Variants in TRPM3 observed in about 807,000 individuals in gnomAD.
TRPM3 encodes the protein long transient receptor potential channel 3.
TRPM3 carries 77 observed loss-of-function variants against 181.2 expected under a neutral mutation model. That is an observed-to-expected ratio of 0.42 (90% CI 0.35 to 0.51). The LOEUF is 0.51. TRPM3 is among the 20% of genes least tolerant of loss of function. The pLI is 0.01. For synonymous variants in TRPM3, 745 were observed against 796.4 expected (o/e 0.94, Z 1.09); for missense variants, 1,759 against 2,196.7 (o/e 0.80, Z 3.98).
chr9:71,374,029 T>A (rs577299084), intron 1 of TRPM3, among the ~76,000 whole-genome samples: 5 of 152,266 alleles, frequency 3.3e-5, no homozygotes, highest in Non-Finnish European at 7.4e-5. Flanking sequence ...AGCACGATAA[T>A]CTCTACAGAT....
intron 8 of TRPM3, among the ~76,000 whole-genome samples, chr9:70,681,808 C>T (rs1363812563): frequency 6.6e-6 from 1 of 152,272 alleles, no homozygotes. Context: ...CTGTTTTGGT[C>T]ATAACCATAT....
intron 1 of TRPM3, among the ~76,000 whole-genome samples, chr9:71,311,375 A>G (rs2087914846): frequency 6.6e-6 from 1 of 152,152 alleles, no homozygotes; most frequent in Non-Finnish European, 1.5e-5. Flanking sequence ...TTTAAAAGTA[A>G]TATCTCTTCA....
intron 1 of TRPM3, among the ~76,000 whole-genome samples, chr9:71,342,961 T>C (rs2091058812): frequency 6.6e-6 from 1 of 152,060 alleles, no homozygotes; most frequent in African/African-American, 2.4e-5. Flanking sequence ...TCTATGAAAT[T>C]TAAAAATATC....
chr9:70,911,219 T>G (rs1364919575), intron 1 of TRPM3, among the ~76,000 whole-genome samples: 1 of 152,228 alleles, frequency 6.6e-6, no homozygotes, highest in Admixed American at 6.5e-5. Flanking sequence ...TATGGTCCTG[T>G]GGGTCACACT....
chr9:71,064,144 G>A (rs2133396090), intron 1 of TRPM3, among the ~76,000 whole-genome samples: 1 of 152,170 alleles, frequency 6.6e-6, no homozygotes, highest in South Asian at 2.1e-4. Flanking sequence ...CATCCTAATT[G>A]TCATAAAGTA....
chr9:70,827,729 A>G (rs2093640038), intron 6 of TRPM3, 118 bp downstream of exon 6: 5 of 1,273,462 alleles, frequency 3.9e-6, no homozygotes, highest in Non-Finnish European at 5.5e-6. Context: ...GGTAGAAATA[A>G]TGGTTCATGT....
intron 1 of TRPM3, among the ~76,000 whole-genome samples, chr9:71,327,266 G>A (rs1422823265): frequency 6.6e-6 from 1 of 152,176 alleles, no homozygotes; most frequent in Non-Finnish European, 1.5e-5. Context: ...ACTGAAAAGA[G>A]GTTAGCTGTG....
At chr9:71,375,566 CCAT>C (rs1813772184) in intron 1 of TRPM3, among the ~76,000 whole-genome samples, 2 of 152,100 alleles carry the variant, frequency 1.3e-5, no homozygotes, top group African/African-American at 4.8e-5. Flanking sequence ...GCAGAAGAAA[CCAT>C]CATCAGAGTA....
intron 8 of TRPM3, among the ~76,000 whole-genome samples, chr9:70,686,686 T>TTTCCTTCCTTCCTTCCTTCCTTCC (rs778689995): frequency 5.1e-5 from 3 of 58,866 alleles, no homozygotes; most frequent in Admixed American, 1.9e-4. Context: ...TCCTTCCTTC[T>TTTCCTTCCTTCCTTCCTTCCTTCC]TTCCTTCCTT....
intron 1 of TRPM3, among the ~76,000 whole-genome samples, chr9:71,210,535 G>C (rs2079427099): frequency 6.6e-6 from 1 of 152,088 alleles, no homozygotes; most frequent in African/African-American, 2.4e-5. Flanking sequence ...GTCCTATACT[G>C]ACTCCTTCTG....
At chr9:70,799,981 T>C (rs2088433635) in intron 6 of TRPM3, among the ~76,000 whole-genome samples, 1 of 152,256 alleles carries the variant, frequency 6.6e-6, no homozygotes, top group Non-Finnish European at 1.5e-5. Flanking sequence ...ACTGGGTCTC[T>C]CCAAACTCCA....
chr9:71,223,626 C>T (rs1176237049), intron 1 of TRPM3, among the ~76,000 whole-genome samples: 2 of 152,190 alleles, frequency 1.3e-5, no homozygotes, highest in Non-Finnish European at 2.9e-5. Context: ...CAGGCCTTGG[C>T]TCTTGGACAG....
At chr9:70,584,194 C>G (rs575891172) in intron 22 of TRPM3, among the ~76,000 whole-genome samples, 1 of 152,172 alleles carries the variant, frequency 6.6e-6, no homozygotes, top group South Asian at 2.1e-4. Flanking sequence ...GCCTGGCCTT[C>G]TTTCTCATAT....
chr9:71,174,590 A>C (rs2077017987), intron 1 of TRPM3, among the ~76,000 whole-genome samples: 1 of 152,128 alleles, frequency 6.6e-6, no homozygotes, highest in African/African-American at 2.4e-5. Context: ...GTTCTGTGTG[A>C]AGGCATATTT....
At chr9:70,918,843 A>G (rs2096627385) in intron 1 of TRPM3, among the ~76,000 whole-genome samples, 1 of 152,156 alleles carries the variant, frequency 6.6e-6, no homozygotes, top group Admixed American at 6.5e-5. Context: ...TTTTAAAAAA[A>G]TAAACATAAT....
chr9:71,032,049 T>A (rs1405575166), intron 1 of TRPM3, among the ~76,000 whole-genome samples: 3,240 of 9,640 alleles, frequency 0.34, 209 homozygotes, highest in Middle Eastern at 0.5. Context: ...TATATATATA[T>A]TATATATATT....
chr9:70,793,772 C>T (rs2086269573), intron 6 of TRPM3: 1 of 402,410 alleles, frequency 2.5e-6, no homozygotes, highest in Non-Finnish European at 5.3e-6. Flanking sequence ...TGCAGTGATG[C>T]AAAAGTGATA....
chr9:70,926,641 A>G (rs2096724419), intron 1 of TRPM3, among the ~76,000 whole-genome samples: 1 of 152,210 alleles, frequency 6.6e-6, no homozygotes, highest in Non-Finnish European at 1.5e-5. Flanking sequence ...TCGATTATAG[A>G]AGTTAACAAA....
intron 1 of TRPM3, among the ~76,000 whole-genome samples, chr9:71,275,990 C>T (rs1474484459): frequency 3.9e-5 from 6 of 151,902 alleles, no homozygotes; most frequent in Admixed American, 2.6e-4. Context: ...TACAGGAACC[C>T]GCCACCACAC....
Sources: allele counts gnomAD v4.1 joint callset (sites outside exome capture counted in the v4.1 genomes callset), GRCh38; gene constraint gnomAD v4.1.1; transcripts MANE v1.5; gene names NCBI Gene and HGNC (gene_info 2026-07-23, HGNC 2026-07-21).